Variants in VIPR2 observed in about 807,000 individuals in gnomAD.
VIPR2 encodes the protein vasoactive intestinal polypeptide receptor 2.
Under a neutral mutation model 58.0 loss-of-function variants are expected in VIPR2, and 48 were observed. That is an observed-to-expected ratio of 0.83 (90% CI 0.66 to 1.05). The LOEUF is 1.05. Ranked by LOEUF, VIPR2 falls within the 50% of genes least tolerant of loss-of-function variation. VIPR2 has a pLI of 0.00. For synonymous variants in VIPR2, 243 were observed against 235.2 expected (o/e 1.03, Z -0.30); for missense variants, 534 against 558.0 (o/e 0.96, Z 0.43).
chr7:159,073,957 T>C (rs1856525510), intron 4 of VIPR2, among the ~76,000 whole-genome samples: 1 of 152,300 alleles, frequency 6.6e-6, no homozygotes, highest in East Asian at 1.9e-4. Flanking sequence ...GCTGATGGAA[T>C]CAGAGCCCTG....
intron 6 of VIPR2, among the ~76,000 whole-genome samples, chr7:159,037,901 G>A (rs980918552): frequency 2.0e-5 from 3 of 152,050 alleles, no homozygotes; most frequent in Non-Finnish European, 4.4e-5. Context: ...GTGTACATAC[G>A]TATGGCAGAT....
In VIPR2 at chr7:159,093,029, G is replaced by A. The variant is rs1294223475; in HGVS notation, c.357+10728C>T. On this transcript the variant is annotated intron_variant, in intron 4 of 12. Transcript: ENST00000262178. The surrounding 1 kb of genome is among the most constrained non-coding windows in gnomAD (Gnocchi z 6.7). Reference sequence around the variant, plus strand: ...AGAGTGGGTGACCTGGGGGAGTCAAGGCAGGTGGAACAAGCCATCCACTTC... The same window carrying A: ...AGAGTGGGTGACCTGGGGGAGTCAAAGCAGGTGGAACAAGCCATCCACTTC... Among the ~76,000 whole-genome samples, 1 of 152,128 alleles carries A rather than the reference G, an allele frequency of 6.6e-6. No homozygotes were observed. The highest frequency in any genetic ancestry group is 1.5e-5 in the Non-Finnish European group (1 of 68,028).
intron 4 of VIPR2, among the ~76,000 whole-genome samples, chr7:159,076,185 A>C (rs932213706): frequency 6.6e-6 from 1 of 152,218 alleles, no homozygotes; most frequent in Admixed American, 6.5e-5. Flanking sequence ...GGGTAAACTT[A>C]AAAAAGGATA....
intron 2 of VIPR2, among the ~76,000 whole-genome samples, chr7:159,119,402 G>A (rs1796368077): frequency 6.6e-6 from 1 of 152,212 alleles, no homozygotes; most frequent in African/African-American, 2.4e-5. Flanking sequence ...CAGAGCTCCT[G>A]CAGGACAACA....
In VIPR2 at chr7:159,031,748, G is replaced by A; in HGVS notation, c.1143+80C>T. 6.2e-7 allele frequency: 1 copy of A among 1,609,398 alleles called. No homozygotes were observed. ...GCCCGCGGAAGACAGGCATGTGTGGGGGCTGCGGCACCAGGCTGGGCAGCA... is the reference window on the plus strand; with the variant it reads ...GCCCGCGGAAGACAGGCATGTGTGGAGGCTGCGGCACCAGGCTGGGCAGCA... On this transcript the variant is annotated intron_variant, in intron 12 of 12. Transcript: ENST00000262178. The surrounding 1 kb of genome is among the most constrained non-coding windows in gnomAD (Gnocchi z 4.0).
chr7:159,087,898 C>T (rs920166440), intron 4 of VIPR2, among the ~76,000 whole-genome samples: 2 of 152,172 alleles, frequency 1.3e-5, no homozygotes, highest in Middle Eastern at 3.2e-3. Context: ...GATACGGCTT[C>T]CCCAGCAAAC....
At chr7:159,062,220 G>A (rs1029358897) in intron 4 of VIPR2, among the ~76,000 whole-genome samples, 4 of 152,198 alleles carry the variant, frequency 2.6e-5, no homozygotes, top group Admixed American at 6.5e-5. Context: ...CCTGAGCCCC[G>A]GCAAGTCACA....
intron 4 of VIPR2, among the ~76,000 whole-genome samples, chr7:159,084,831 C>G (rs1488617825): frequency 6.6e-6 from 1 of 152,198 alleles, no homozygotes; most frequent in Non-Finnish European, 1.5e-5. Context: ...CCTTAGAAGT[C>G]GAAGGCTGGA....
intron 4 of VIPR2, among the ~76,000 whole-genome samples, chr7:159,068,488 C>A (rs73730129): frequency 0.012 from 1,872 of 152,362 alleles, 42 homozygotes; most frequent in African/African-American, 0.042. Context: ...GGTTCCCACA[C>A]GGCCAGCCTT....
intron 5 of VIPR2, among the ~76,000 whole-genome samples, chr7:159,050,012 C>T (rs1260760528): frequency 1.3e-5 from 2 of 152,134 alleles, no homozygotes; most frequent in Admixed American, 6.5e-5. Flanking sequence ...ATGCCAGAAA[C>T]AGGACTAAGT....
At chr7:159,079,250 C>T (rs946566359) in intron 4 of VIPR2, among the ~76,000 whole-genome samples, 4 of 152,170 alleles carry the variant, frequency 2.6e-5, no homozygotes, top group Non-Finnish European at 5.9e-5. Flanking sequence ...TGTAAAAGAA[C>T]AGAAATTATA....
At chr7:159,141,750 C>A (rs1277755811) in intron 2 of VIPR2, among the ~76,000 whole-genome samples, 1 of 152,192 alleles carries the variant, frequency 6.6e-6, no homozygotes, top group Non-Finnish European at 1.5e-5. Context: ...CCATCTGAGG[C>A]CCTCTACAGG....
intron 5 of VIPR2, among the ~76,000 whole-genome samples, chr7:159,048,046 A>G (rs1854758121): frequency 6.6e-6 from 1 of 152,242 alleles, no homozygotes; most frequent in Non-Finnish European, 1.5e-5. Flanking sequence ...ATAAATCATA[A>G]CTAATGATTT....
intron 2 of VIPR2, among the ~76,000 whole-genome samples, chr7:159,114,746 G>A (rs1232697066): frequency 6.6e-6 from 1 of 151,230 alleles, no homozygotes; most frequent in African/African-American, 2.4e-5. Flanking sequence ...CTTGAGTCAA[G>A]CCCGGGTGAC....
rs1432362186 is a variant in VIPR2 at position 159,097,392 on chromosome 7, A to T, written c.357+6365T>A. On this transcript the variant is annotated intron_variant, in intron 4 of 12. Coordinates refer to ENST00000262178, the MANE Select transcript of VIPR2 (RefSeq NM_003382.5). This position sits in a 1 kb window ranked among gnomAD's most constrained non-coding sequence, Gnocchi z 5.3. ...TTATGTAAGAACGGAGTTAACCAGT[A>T]TGTAACACAGAAGACTTACGGGAGC... 6.6e-6 allele frequency among the ~76,000 whole-genome samples: 1 copy of T among 152,208 alleles called. No homozygotes were observed. Among genetic ancestry groups the T allele is most frequent in the African/African-American group, 2.4e-5 (1 of 41,464 alleles).
intron 2 of VIPR2, among the ~76,000 whole-genome samples, chr7:159,116,187 G>A (rs1369757446): frequency 6.6e-6 from 1 of 152,218 alleles, no homozygotes; most frequent in East Asian, 1.9e-4. Flanking sequence ...GCTGAATGTA[G>A]GAAAGGAACA....
At chr7:159,082,322 G>A (rs369768331) in intron 4 of VIPR2, among the ~76,000 whole-genome samples, 14,790 of 152,124 alleles carry the variant, frequency 0.097, 1,834 homozygotes, top group African/African-American at 0.29. Context: ...GTAGGGACAC[G>A]GATGAAGCTG....
At chr7:159,049,083 A>C (rs1201553363) in intron 5 of VIPR2, among the ~76,000 whole-genome samples, 1 of 152,192 alleles carries the variant, frequency 6.6e-6, no homozygotes, top group Non-Finnish European at 1.5e-5. Flanking sequence ...ACGCACTCCC[A>C]TAAAACTTTC....
intron 4 of VIPR2, among the ~76,000 whole-genome samples, chr7:159,090,808 A>ACGCTGGGACCCACG (rs1857455193): frequency 1.2e-5 from 1 of 85,000 alleles, no homozygotes; most frequent in South Asian, 5.6e-4. Flanking sequence ...CGGCACAGAC[A>ACGCTGGGACCCACG]CGCTGGGACC....
Sources: allele counts gnomAD v4.1 joint callset (sites outside exome capture counted in the v4.1 genomes callset), GRCh38; gene constraint gnomAD v4.1.1; non-coding constraint Gnocchi (gnomAD v3.1); transcripts MANE v1.5; gene names NCBI Gene and HGNC (gene_info 2026-07-23, HGNC 2026-07-21).